Variants in TLK1 observed in about 807,000 individuals in gnomAD.
The protein encoded by TLK1 is serine/threonine-protein kinase tousled-like 1.
Under a neutral mutation model 105.3 loss-of-function variants are expected in TLK1, and 24 were observed. The ratio of observed to expected loss-of-function variants is 0.23; its 90% CI spans 0.17 to 0.32. The LOEUF is 0.32. TLK1 is among the 10% of genes least tolerant of loss of function. The pLI, the probability that TLK1 is intolerant of heterozygous loss-of-function variation, is 1.00. For synonymous variants in TLK1, 321 were observed against 310.4 expected (o/e 1.03, Z -0.36); for missense variants, 558 against 910.5 (o/e 0.61, Z 4.98).
At chr2:171,022,086 A>AACACACACACACACACACACAC (rs557803785) in intron 12 of TLK1, among the ~76,000 whole-genome samples, 22 of 103,008 alleles carry the variant, frequency 2.1e-4, no homozygotes, top group African/African-American at 4.2e-4. Context: ...CTGGGCGAAA[A>AACACACACACACACACACACAC]ACACACACAC....
At chr2:171,126,062 T>C (rs1459900213) in intron 1 of TLK1, among the ~76,000 whole-genome samples, 5 of 152,156 alleles carry the variant, frequency 3.3e-5, no homozygotes, top group African/African-American at 1.2e-4. Flanking sequence ...AAGGAAGAAA[T>C]TACAAAAGCC....
upstream of TLK1, among the ~76,000 whole-genome samples, chr2:171,163,842 C>T (rs1269767928): frequency 6.6e-6 from 1 of 152,072 alleles, no homozygotes; most frequent in Non-Finnish European, 1.5e-5. Context: ...TCTCATGCCT[C>T]AGCCTCCTGA....
chr2:171,032,444 C>T (rs532658633), intron 11 of TLK1, among the ~76,000 whole-genome samples: 2 of 152,158 alleles, frequency 1.3e-5, no homozygotes, highest in South Asian at 4.1e-4. Context: ...CTTCTATACA[C>T]CAGCAATGAA....
intron 2 of TLK1, among the ~76,000 whole-genome samples, chr2:171,104,439 C>G (rs1038912957): frequency 6.6e-6 from 1 of 152,026 alleles, no homozygotes; most frequent in Non-Finnish European, 1.5e-5. Context: ...AGACACCCCA[C>G]GTTCATGAAT....
chr2:171,136,766 G>C (rs1265104678), intron 1 of TLK1, among the ~76,000 whole-genome samples: 1 of 152,156 alleles, frequency 6.6e-6, no homozygotes, highest in Non-Finnish European at 1.5e-5. Context: ...TCAACTACCT[G>C]GATAGCTGGG....
intron 11 of TLK1, among the ~76,000 whole-genome samples, chr2:171,029,307 G>C (rs1685926636): frequency 6.6e-6 from 1 of 152,124 alleles, no homozygotes; most frequent in Non-Finnish European, 1.5e-5. Flanking sequence ...AAATAAGCAA[G>C]ATAAAAAAAT....
Position 170,998,788 on chromosome 2 carries a change from A to C in TLK1, c.1905-965T>G, listed in dbSNP as rs1388234294. Among the ~76,000 whole-genome samples, 3 of 152,132 alleles carry C rather than the reference A, an allele frequency of 2.0e-5. No homozygotes were observed. In the East Asian group the frequency reaches 5.8e-4, roughly 29 times the overall value. ...ATTTATAAGTTCATAATTTTTTTTG[A>C]TACAGGGTCCAACTCTGTCACCCAG... On this transcript the variant is annotated intron_variant, in intron 18 of 20. Coordinates refer to ENST00000431350, the MANE Select transcript of TLK1 (RefSeq NM_012290.5).
intron 18 of TLK1, among the ~76,000 whole-genome samples, chr2:171,003,273 CAAAAAAAAAAAA>C (rs777049271): frequency 0.032 from 2,224 of 68,460 alleles, 42 homozygotes; most frequent in Non-Finnish European, 0.044. Context: ...GACTCCGTCT[CAAAAAAAAAAAA>C]AAAAAAAAAA....
Position 170,992,392 on chromosome 2 carries a change from TAAAGAA to T in TLK1, c.*1382_*1387del, listed in dbSNP as rs1430679359. On this transcript the variant is annotated 3_prime_UTR_variant, in exon 21 of 21. Coordinates refer to ENST00000431350, the MANE Select transcript of TLK1 (RefSeq NM_012290.5). ...AGTATCAGCATTATGAATGTGACAA[TAAAGAA>T]AAAGTCCTTACAGGAGTGAAATACA... is the stretch of plus-strand genomic sequence containing the variant. The T allele has an allele frequency of 2.0e-5, 3 of 152,450 alleles. No homozygotes were observed. Among genetic ancestry groups the T allele is most frequent in the Non-Finnish European group, 4.4e-5 (3 of 67,972 alleles). 9.4% of individuals were successfully genotyped at this position (152,450 alleles called of 1,614,324 possible).
chr2:170,993,744 C>T lies in TLK1; in HGVS notation c.*36G>A. 1 of 1,459,160 alleles carries T rather than the reference C, an allele frequency of 6.9e-7. No homozygotes were observed. The allele number at this position is 1,459,160 out of a possible 1,614,324, so 90.4% of individuals were successfully genotyped here. Reference sequence around the variant, plus strand: ...TCAAACTTAAGTGTGCATCTGGAAGCAAATTCAAAGATATCATGCCAATCT... The same window carrying T: ...TCAAACTTAAGTGTGCATCTGGAAGTAAATTCAAAGATATCATGCCAATCT... On this transcript the variant is annotated 3_prime_UTR_variant, in exon 21 of 21. Transcript: ENST00000431350.
intron 1 of TLK1, among the ~76,000 whole-genome samples, chr2:171,157,701 C>G (rs1300466187): frequency 6.6e-6 from 1 of 152,098 alleles, no homozygotes; most frequent in Admixed American, 6.6e-5. Context: ...TTTCAAATGT[C>G]AAAACTTCAA....
intron 13 of TLK1, among the ~76,000 whole-genome samples, chr2:171,014,630 A>T (rs1023385510): frequency 6.6e-6 from 1 of 152,174 alleles, no homozygotes; most frequent in African/African-American, 2.4e-5. Flanking sequence ...TAAGCACAAA[A>T]GCCCACTGAG....
chr2:171,060,000 G>GA lies in TLK1; in HGVS notation c.406+1080dup, dbSNP rs1687675942. ...GGTTGGGGAACCCTGCAGAAGATGAGAGGAGAGGTCTGCTTTGGACTTGAA... is the reference window on the plus strand; with the variant it reads ...GGTTGGGGAACCCTGCAGAAGATGAGAAGGAGAGGTCTGCTTTGGACTTGAA... On this transcript the variant is annotated intron_variant, in intron 4 of 20. Transcript: ENST00000431350. 4.3e-6 allele frequency: 7 copies of GA among 1,612,302 alleles called. No homozygotes were observed. The Admixed American group carries it at 8.3e-5, about 19-fold the overall frequency.
intron 1 of TLK1, among the ~76,000 whole-genome samples, chr2:171,184,393 A>T (rs1692984416): frequency 6.6e-6 from 1 of 152,194 alleles, no homozygotes; most frequent in Non-Finnish European, 1.5e-5. Flanking sequence ...CTGTGATCCC[A>T]GCATTTTGGG....
rs182987435 is a variant in TLK1, at chr2:170,991,976, T to A, written c.*1804A>T. The stretch of plus-strand genomic sequence containing the variant: ...AGCCCCTTAAACCACTCTTGATGGT[T>A]CTAAGTGTTACTTACCCAGGAGTTG... On this transcript the variant is annotated 3_prime_UTR_variant, in exon 21 of 21. Transcript: ENST00000431350. 1 of 152,256 alleles carries A rather than the reference T, an allele frequency of 6.6e-6. No individual in the cohort carries two copies. Among genetic ancestry groups the A allele is most frequent in the African/African-American group, 2.4e-5 (1 of 41,554 alleles). The allele number at this position is 152,256 out of a possible 1,614,324, so 9.4% of individuals were successfully genotyped here.
chr2:171,003,359 C>CT (rs1250700288), intron 18 of TLK1, among the ~76,000 whole-genome samples: 6 of 130,018 alleles, frequency 4.6e-5, no homozygotes, highest in African/African-American at 9.0e-5. Flanking sequence ...TTACAAATTT[C>CT]TTTTTTTTAG....
At chr2:171,094,988 T>G (rs778446107) in intron 2 of TLK1, among the ~76,000 whole-genome samples, 76 of 151,748 alleles carry the variant, frequency 5.0e-4, no homozygotes, top group Non-Finnish European at 8.5e-4. Context: ...TTGTTATAAA[T>G]CACAAACATG....
intron 11 of TLK1, among the ~76,000 whole-genome samples, chr2:171,034,505 G>A (rs1479919490): frequency 6.6e-6 from 1 of 152,136 alleles, no homozygotes; most frequent in African/African-American, 2.4e-5. Context: ...TAAGGTATGA[G>A]TCATTTTATA....
At chr2:171,108,656 T>C (rs1355563041) in intron 2 of TLK1, among the ~76,000 whole-genome samples, 1 of 151,550 alleles carries the variant, frequency 6.6e-6, no homozygotes, top group Non-Finnish European at 1.5e-5. Context: ...CAGGCTGGAG[T>C]GAAGTAGCAT....
Sources: gnomAD v4.1 joint callset for allele counts (sites outside exome capture counted in the v4.1 genomes callset) on GRCh38, gnomAD v4.1.1 for gene constraint, MANE v1.5 for transcripts, NCBI Gene and HGNC (gene_info 2026-07-23, HGNC 2026-07-21) for gene names.